Variants in GLB1L3 observed in about 807,000 individuals in gnomAD.
GLB1L3 encodes the protein beta-galactosidase-1-like protein 3.
A neutral mutation model predicts 89.5 loss-of-function variants in GLB1L3; 89 were observed. That is an observed-to-expected ratio of 0.99 (90% CI 0.84 to 1.19). The LOEUF is 1.19. Among genes scored for constraint, GLB1L3 ranks in the 50% most tolerant of loss-of-function variants. GLB1L3 has a pLI of 0.00. For synonymous variants in GLB1L3, 314 were observed against 312.3 expected (o/e 1.01, Z -0.06); for missense variants, 812 against 813.3 (o/e 1.00, Z 0.02).
intron 7 of GLB1L3, among the ~76,000 whole-genome samples, chr11:134,290,071 C>T (rs1456346511): frequency 1.3e-5 from 2 of 152,200 alleles, no homozygotes; most frequent in African/African-American, 2.4e-5. Context: ...CTGGCTCCCG[C>T]GCTATAGCTG....
intron 9 of GLB1L3, among the ~76,000 whole-genome samples, chr11:134,306,918 T>C (rs983256969): frequency 6.6e-6 from 1 of 152,190 alleles, no homozygotes; most frequent in African/African-American, 2.4e-5. Context: ...CTGGAGACCA[T>C]GGACGTTTAG....
chr11:134,298,549 C>T (rs188078201), intron 9 of GLB1L3, among the ~76,000 whole-genome samples: 274 of 152,204 alleles, frequency 1.8e-3, no homozygotes, highest in Admixed American at 4.1e-3. Context: ...GGGACAGACC[C>T]GGTGGGAAGT....
chr11:134,277,435 C>T lies in GLB1L3; in HGVS notation c.133C>T (p.His45Tyr), dbSNP rs766911388. The T allele has an allele frequency of 6.2e-7, 1 of 1,613,270 alleles. No homozygotes were observed. The highest frequency in any genetic ancestry group is 1.1e-5 in the South Asian group (1 of 91,018). Reference protein sequence around the residue: ...QEENFMLGRAHPSQPRFNWSH... With the variant: ...QEENFMLGRAYPSQPRFNWSH... ...AGAGAACTTCATGCTTGGAAGAGCG[C>T]ATCCGTCCCAGCCTAGGTTTGCTTG... The change falls in exon 2 of 20, where the codon CAT (histidine) becomes TAT (tyrosine). Residue 45 changes from histidine to tyrosine, a missense_variant. His to Tyr is a moderately conservative substitution (Grantham distance 83, BLOSUM62 2). Around this residue, in one of 3 missense-constraint regions of GLB1L3, gnomAD observed 191 missense variants for 191.4 expected, o/e 1.00. Transcript: ENST00000431683.
At chr11:134,308,178 C>T (rs1256921196) in intron 10 of GLB1L3, among the ~76,000 whole-genome samples, 107 of 115,100 alleles carry the variant, frequency 9.3e-4, no homozygotes, top group African/African-American at 4.0e-3. Context: ...AGCACCACCA[C>T]CATCACCATC....
At chr11:134,300,571 T>C (rs964993010) in intron 9 of GLB1L3, among the ~76,000 whole-genome samples, 14 of 151,964 alleles carry the variant, frequency 9.2e-5, no homozygotes, top group African/African-American at 3.4e-4. Flanking sequence ...CCTGACCTCA[T>C]GATCCGCCTG....
At chr11:134,325,227 A>G in the GLB1L3 span, among the ~76,000 whole-genome samples, 1,099 of 152,306 alleles carry the variant, frequency 7.2e-3, 6 homozygotes, top group Non-Finnish European at 0.012. Flanking sequence ...TCTCAAATGC[A>G]TACTTGCATT....
intron 10 of GLB1L3, 59 bp from the exon 11 acceptor site, chr11:134,309,567 A>C (rs1175452006): frequency 7.1e-6 from 10 of 1,404,100 alleles, no homozygotes; most frequent in Non-Finnish European, 8.6e-6. Flanking sequence ...AGTTTGCCAG[A>C]GGCTTCTGTC....
intron 3 of GLB1L3, among the ~76,000 whole-genome samples, chr11:134,280,693 G>A (rs1440364699): frequency 6.6e-6 from 1 of 152,062 alleles, no homozygotes; most frequent in Admixed American, 6.6e-5. Flanking sequence ...GCCATGATTA[G>A]TATGTCTTCT....
At chr11:134,305,237 TA>T in intron 9 of GLB1L3, 1 of 769,886 alleles carries the variant, frequency 1.3e-6, no homozygotes, top group Non-Finnish European at 2.3e-6. Context: ...TGCACTGAAT[TA>T]TGTAAAGTGC....
chr11:134,305,257 CA>C (rs1942143137), intron 9 of GLB1L3: 1 of 725,998 alleles, frequency 1.4e-6, no homozygotes, highest in South Asian at 1.5e-5. Context: ...GCATTCCCTT[CA>C]CCAGCTTGTG....
intron 6 of GLB1L3, chr11:134,287,271 A>T (rs1379798225): frequency 1.3e-5 from 2 of 152,280 alleles, no homozygotes; most frequent in Non-Finnish European, 2.9e-5. Context: ...ATTTACAGGC[A>T]TCCCATTGAA....
At chr11:134,284,974 G>A (rs968467415) in intron 6 of GLB1L3, among the ~76,000 whole-genome samples, 9 of 140,504 alleles carry the variant, frequency 6.4e-5, no homozygotes, top group Admixed American at 3.7e-4. Flanking sequence ...TGTTGCCCAG[G>A]CTGGAGTGCA....
intron 9 of GLB1L3, chr11:134,305,001 C>T (rs565401623): frequency 5.9e-5 from 70 of 1,196,070 alleles, no homozygotes; most frequent in Admixed American, 1.0e-4. Flanking sequence ...CATGCGACTG[C>T]GCTAACAATG....
chr11:134,302,580 A>G (rs1942002035), intron 9 of GLB1L3, among the ~76,000 whole-genome samples: 1 of 152,176 alleles, frequency 6.6e-6, no homozygotes, highest in Non-Finnish European at 1.5e-5. Context: ...AAGGTATATC[A>G]CACAGAGAAT....
intron 10 of GLB1L3, among the ~76,000 whole-genome samples, chr11:134,308,090 C>T (rs1285836750): frequency 6.6e-6 from 1 of 151,340 alleles, no homozygotes; most frequent in Non-Finnish European, 1.5e-5. Context: ...TCACTACCAC[C>T]AACAATAATG....
chr11:134,301,878 A>G (rs1045876748), intron 9 of GLB1L3, among the ~76,000 whole-genome samples: 1 of 152,234 alleles, frequency 6.6e-6, no homozygotes, highest in African/African-American at 2.4e-5. Context: ...ATTTTCAGAC[A>G]TACGGAGTTT....
chr11:134,323,994 A>G (rs1943195175), downstream of GLB1L3, among the ~76,000 whole-genome samples: 1 of 152,230 alleles, frequency 6.6e-6, no homozygotes, highest in Non-Finnish European at 1.5e-5. Context: ...GAATGAAGCA[A>G]TTACACATCT....
At chr11:134,305,564 C>G (rs943033541) in intron 9 of GLB1L3, among the ~76,000 whole-genome samples, 4 of 152,078 alleles carry the variant, frequency 2.6e-5, no homozygotes, top group Non-Finnish European at 5.9e-5. Context: ...GCCCACAGTA[C>G]AATTTTAACA....
intron 9 of GLB1L3, among the ~76,000 whole-genome samples, chr11:134,301,618 C>T (rs957091684): frequency 1.3e-5 from 2 of 151,856 alleles, no homozygotes; most frequent in Admixed American, 1.3e-4. Context: ...ACTGCTTCTA[C>T]CCTTAGGTTT....
Sources: allele counts gnomAD v4.1 joint callset (sites outside exome capture counted in the v4.1 genomes callset), GRCh38; gene constraint gnomAD v4.1.1; regional missense constraint gnomAD v4.1.1; transcripts MANE v1.5; gene names NCBI Gene and HGNC (gene_info 2026-07-23, HGNC 2026-07-21).